The following FOXP1 variants were observed in gnomAD, a reference collection of about 807,000 sequenced individuals.
FOXP1 encodes the protein forkhead box P1.
Under a neutral mutation model 98.2 loss-of-function variants are expected in FOXP1, and 15 were observed. The ratio of observed to expected loss-of-function variants is 0.15; its 90% CI spans 0.10 to 0.24. FOXP1 has a LOEUF of 0.24. FOXP1 is among the 10% of genes least tolerant of loss of function. The probability of loss-of-function intolerance (pLI) is 1.00; values close to 1 mark genes in which losing one functional copy is unlikely to be tolerated. For missense variants in FOXP1, 633 were observed against 848.5 expected, an observed-to-expected ratio of 0.75 and a Z score of 3.15; for synonymous variants, 371 against 314.5, an observed-to-expected ratio of 1.18 and a Z score of -1.90.
chr3:71,202,753 CAAT>C (rs1437504934), intron 5 of FOXP1, among the ~76,000 whole-genome samples: 2 of 152,116 alleles, frequency 1.3e-5, no homozygotes, highest in Non-Finnish European at 1.5e-5. Flanking sequence ...GAAAAGACAA[CAAT>C]GAGAGTGGCA....
At chr3:70,986,308 G>A (rs539123711) in intron 14 of FOXP1, among the ~76,000 whole-genome samples, 3 of 152,284 alleles carry the variant, frequency 2.0e-5, no homozygotes, top group Admixed American at 6.5e-5. Context: ...GCCCTACGGG[G>A]TTTTGTAGTT....
chr3:71,285,781 G>A (rs2072055831), intron 5 of FOXP1, among the ~76,000 whole-genome samples: 1 of 152,206 alleles, frequency 6.6e-6, no homozygotes, highest in African/African-American at 2.4e-5. Flanking sequence ...GAGGCTGGGA[G>A]TCACTACCAA....
At chr3:71,140,971 A>T (rs2060039992) in intron 6 of FOXP1, among the ~76,000 whole-genome samples, 1 of 151,826 alleles carries the variant, frequency 6.6e-6, no homozygotes, top group South Asian at 2.1e-4. Context: ...AAAAATTGCC[A>T]AGAAACTGTG....
At chr3:70,972,218 A>G (rs2036419792) in intron 18 of FOXP1, 4 of 1,485,850 alleles carry the variant, frequency 2.7e-6, no homozygotes, top group Non-Finnish European at 3.6e-6. Context: ...TGGAGTGGCA[A>G]CAAAAGGAGA....
At chr3:71,400,053 C>G (rs1387805993) in intron 3 of FOXP1, among the ~76,000 whole-genome samples, 1 of 152,074 alleles carries the variant, frequency 6.6e-6, no homozygotes, top group Non-Finnish European at 1.5e-5. Context: ...TTTCCAGATA[C>G]ATAAATTTTT....
At chr3:71,060,736 G>A (rs1682482516) in intron 7 of FOXP1, among the ~76,000 whole-genome samples, 1 of 152,116 alleles carries the variant, frequency 6.6e-6, no homozygotes, top group African/African-American at 2.4e-5. Context: ...TTTTGATGTT[G>A]TTGATTTACC....
chr3:71,221,249 C>T (rs186692863), intron 5 of FOXP1, among the ~76,000 whole-genome samples: 29 of 152,226 alleles, frequency 1.9e-4, no homozygotes, highest in Non-Finnish European at 1.0e-4. Context: ...CTTAATCATC[C>T]CCAACTCTTC....
At chr3:71,496,355 G>A (rs1189516910) in intron 2 of FOXP1, among the ~76,000 whole-genome samples, 4 of 152,110 alleles carry the variant, frequency 2.6e-5, no homozygotes, top group Non-Finnish European at 4.4e-5. Context: ...GGTGGAAAAC[G>A]CATTTCACAG....
intron 14 of FOXP1, among the ~76,000 whole-genome samples, chr3:70,981,338 G>C (rs963072306): frequency 1.3e-5 from 2 of 152,140 alleles, no homozygotes; most frequent in Admixed American, 6.5e-5. Flanking sequence ...AGCCAGAAGA[G>C]AGCAGAGAGG....
At chr3:71,441,551 G>C (rs2085943003) in intron 3 of FOXP1, among the ~76,000 whole-genome samples, 1 of 152,204 alleles carries the variant, frequency 6.6e-6, no homozygotes, top group Non-Finnish European at 1.5e-5. Flanking sequence ...AAATGCTCTA[G>C]GAGAATGATC....
intron 3 of FOXP1, among the ~76,000 whole-genome samples, chr3:71,372,179 A>ATTT (rs71621938): frequency 0.24 from 33,653 of 140,130 alleles, 4,911 homozygotes; most frequent in East Asian, 0.64. Flanking sequence ...TTCCTGGCTA[A>ATTT]TTTTTTTTTT....
At chr3:71,358,378 G>C (rs895834599) in intron 4 of FOXP1, among the ~76,000 whole-genome samples, 12 of 152,242 alleles carry the variant, frequency 7.9e-5, no homozygotes, top group African/African-American at 2.6e-4. Context: ...GAAAATAAGA[G>C]AGCTTTCCCC....
chr3:71,387,655 T>C (rs1404391143), intron 3 of FOXP1, among the ~76,000 whole-genome samples: 1 of 152,232 alleles, frequency 6.6e-6, no homozygotes, highest in Non-Finnish European at 1.5e-5. Flanking sequence ...AACGAATGCA[T>C]AACAATTCTT....
intron 12 of FOXP1, among the ~76,000 whole-genome samples, chr3:71,011,465 CCAGATGAAGA>C (rs541344705): frequency 2.6e-5 from 4 of 152,058 alleles, no homozygotes; most frequent in Non-Finnish European, 5.9e-5. Flanking sequence ...GAAAGAGCCC[CCAGATGAAGA>C]CAACATAGAA....
At chr3:71,556,732 G>A (rs1303414567) in intron 2 of FOXP1, among the ~76,000 whole-genome samples, 2 of 150,934 alleles carry the variant, frequency 1.3e-5, no homozygotes, top group Non-Finnish European at 2.9e-5. Context: ...ACAAATAGGT[G>A]ACATAGTCAA....
intron 6 of FOXP1, chr3:71,130,888 G>A (rs2059532671): frequency 1.4e-6 from 2 of 1,381,728 alleles, no homozygotes; most frequent in African/African-American, 2.9e-5. Flanking sequence ...AACCGCTCCA[G>A]GTCTGCAAGC....
chr3:71,414,823 CT>C (rs1236889332), intron 3 of FOXP1, among the ~76,000 whole-genome samples: 3 of 152,196 alleles, frequency 2.0e-5, no homozygotes, highest in Non-Finnish European at 4.4e-5. Context: ...TAGATGAGGC[CT>C]GTGAATTTTT....
At chr3:71,574,465 C>G (rs2047573988) in intron 2 of FOXP1, 1 of 152,216 alleles carries the variant, frequency 6.6e-6, no homozygotes, top group Non-Finnish European at 1.5e-5. Context: ...TTTTATCTTC[C>G]TTTATTTCAT....
intron 4 of FOXP1, among the ~76,000 whole-genome samples, chr3:71,351,510 T>C (rs887471412): frequency 6.6e-6 from 1 of 152,230 alleles, no homozygotes; most frequent in South Asian, 2.1e-4. Flanking sequence ...TTACTAATAT[T>C]TGAAGGTCAA....
Sources: gnomAD v4.1 joint callset for allele counts (sites outside exome capture counted in the v4.1 genomes callset) on GRCh38, gnomAD v4.1.1 for gene constraint, MANE v1.5 for transcripts, NCBI Gene and HGNC (gene_info 2026-07-23, HGNC 2026-07-21) for gene names.